Variants in NEGR1 observed in about 807,000 individuals in gnomAD.
The protein encoded by NEGR1 is neuronal growth regulator 1, also known as IgLON family member 4.
In NEGR1, 10 loss-of-function variants were observed where a neutral mutation model predicts 40.9. The observed-to-expected ratio is 0.24, with a 90% confidence interval of 0.15 to 0.42. NEGR1 has a LOEUF of 0.42. Among genes scored for constraint, NEGR1 ranks in the 10% least tolerant of loss-of-function variants. The pLI is 1.00. For missense variants in NEGR1, 352 were observed against 438.9 expected, an observed-to-expected ratio of 0.80 and a Z score of 1.77; for synonymous variants, 185 against 166.8, an observed-to-expected ratio of 1.11 and a Z score of -0.84.
intron 2 of NEGR1, among the ~76,000 whole-genome samples, chr1:71,854,398 T>C (rs1659699281): frequency 6.6e-6 from 1 of 152,074 alleles, no homozygotes; most frequent in Non-Finnish European, 1.5e-5. Flanking sequence ...TTAAGCAAAT[T>C]AGTGAGTAAA....
At chr1:71,979,608 A>T (rs757845031) in intron 1 of NEGR1, among the ~76,000 whole-genome samples, 2 of 152,180 alleles carry the variant, frequency 1.3e-5, no homozygotes, top group Non-Finnish European at 1.5e-5. Context: ...AGAACAACCC[A>T]CAAAGACAAC....
At chr1:71,707,057 C>A (rs1343534739) in intron 3 of NEGR1, among the ~76,000 whole-genome samples, 3 of 152,144 alleles carry the variant, frequency 2.0e-5, no homozygotes, top group Non-Finnish European at 4.4e-5. Context: ...AGGATTTAAA[C>A]CAGCCCTAGC....
chr1:71,459,645 A>G (rs1420169997), intron 6 of NEGR1, among the ~76,000 whole-genome samples: 1 of 152,128 alleles, frequency 6.6e-6, no homozygotes, highest in Non-Finnish European at 1.5e-5. Flanking sequence ...CCATGTCAGT[A>G]AGTTCAAATC....
At chr1:71,825,322 A>C (rs1426042692) in intron 2 of NEGR1, among the ~76,000 whole-genome samples, 1 of 151,870 alleles carries the variant, frequency 6.6e-6, no homozygotes, top group Non-Finnish European at 1.5e-5. Context: ...TCTGAGTTCT[A>C]TTCTCCTCTG....
chr1:72,007,293 A>C (rs1342439320), intron 1 of NEGR1, among the ~76,000 whole-genome samples: 2 of 152,048 alleles, frequency 1.3e-5, no homozygotes, highest in Middle Eastern at 3.2e-3. Context: ...TTTTGAAATT[A>C]ACATCCAAGA....
intron 1 of NEGR1, among the ~76,000 whole-genome samples, chr1:71,992,217 A>G (rs1195722330): frequency 6.6e-6 from 1 of 152,210 alleles, no homozygotes; most frequent in Non-Finnish European, 1.5e-5. Flanking sequence ...TTTCATATAC[A>G]TCATATTCAT....
At chr1:71,535,991 G>A (rs1363436856) in intron 6 of NEGR1, among the ~76,000 whole-genome samples, 1 of 151,630 alleles carries the variant, frequency 6.6e-6, no homozygotes, top group African/African-American at 2.4e-5. Context: ...GTGAGTAAAT[G>A]TAGTTATTTC....
At position 72,235,874 on chromosome 1, in the gene NEGR1, A is replaced by T. The variant is rs576315413; in HGVS notation, c.176+46445T>A. Among the ~76,000 whole-genome samples, 13 of 152,234 alleles carry T rather than the reference A, an allele frequency of 8.5e-5. No individual in the cohort carries two copies. The South Asian group carries it at 2.7e-3, about 31-fold the overall frequency. ...CGATTTTAAGAGAATGTAAACCAAC[A>T]TAATCTTAAGCAAAATGTATTTATG... On this transcript the variant is annotated intron_variant, in intron 1 of 6. Transcript: ENST00000357731.
At chr1:71,842,502 T>A (rs2101803685) in intron 2 of NEGR1, among the ~76,000 whole-genome samples, 1 of 152,304 alleles carries the variant, frequency 6.6e-6, no homozygotes, top group African/African-American at 2.4e-5. Flanking sequence ...TTTCTCTAAA[T>A]CTTTAAAATA....
chr1:72,096,561 T>C (rs1289043768), intron 1 of NEGR1, among the ~76,000 whole-genome samples: 1 of 152,086 alleles, frequency 6.6e-6, no homozygotes, highest in East Asian at 1.9e-4. Context: ...AATTACACTT[T>C]CATACATTTT....
At chr1:71,711,481 CAA>C (rs71070899) in intron 3 of NEGR1, among the ~76,000 whole-genome samples, 1 of 126,636 alleles carries the variant, frequency 7.9e-6, no homozygotes, top group Non-Finnish European at 1.6e-5. Context: ...CTAAAATTTA[CAA>C]AAAAAAAAAA....
Position 71,402,824 on chromosome 1 carries a change from C to T in NEGR1, c.*4622G>A, listed in dbSNP as rs1646255034. On this transcript the variant is annotated 3_prime_UTR_variant, in exon 7 of 7. Transcript: ENST00000357731. ...TTGCCCTATTCTTTTGAGAGGGAAA[C>T]TAGCTCTGTTTCATGTGCTGGTTTT... 1 of 151,958 alleles carries T rather than the reference C, an allele frequency of 6.6e-6. No homozygotes were observed. The highest frequency in any genetic ancestry group is 2.4e-5 in the African/African-American group (1 of 41,432). The allele number at this position is 151,958 out of a possible 1,614,324, so 9.4% of individuals were successfully genotyped here.
At chr1:71,750,273 G>A (rs893146463) in intron 3 of NEGR1, among the ~76,000 whole-genome samples, 1 of 152,140 alleles carries the variant, frequency 6.6e-6, no homozygotes. Context: ...GATTACAGGC[G>A]TGAGCCACCG....
intron 4 of NEGR1, among the ~76,000 whole-genome samples, chr1:71,642,757 T>A (rs1651396340): frequency 6.6e-6 from 1 of 152,038 alleles, no homozygotes; most frequent in South Asian, 2.1e-4. Context: ...GTATTTGGTA[T>A]CTAGTGGGAA....
chr1:72,075,429 A>C (rs186931240), intron 1 of NEGR1, among the ~76,000 whole-genome samples: 282 of 152,310 alleles, frequency 1.9e-3, no homozygotes, highest in African/African-American at 6.4e-3. Context: ...CACAATGTAG[A>C]TATTAAGACT....
At chr1:72,000,770 A>T (rs1646550087) in intron 1 of NEGR1, among the ~76,000 whole-genome samples, 2 of 152,114 alleles carry the variant, frequency 1.3e-5, no homozygotes, top group African/African-American at 4.8e-5. Flanking sequence ...TCTATTGTTT[A>T]TTTTACGCTA....
intron 1 of NEGR1, among the ~76,000 whole-genome samples, chr1:72,271,914 A>G (rs1461716910): frequency 6.6e-6 from 1 of 151,762 alleles, no homozygotes; most frequent in Non-Finnish European, 1.5e-5. Context: ...TCTTCCTGCC[A>G]CCATGTAAGA....
intron 1 of NEGR1, among the ~76,000 whole-genome samples, chr1:71,979,525 A>T (rs1557466118): frequency 6.6e-6 from 1 of 152,192 alleles, no homozygotes; most frequent in African/African-American, 2.4e-5. Context: ...TGCGGGTTAA[A>T]GTCCCAGACT....
chr1:71,653,974 C>G (rs1651797005), intron 4 of NEGR1, among the ~76,000 whole-genome samples: 1 of 152,026 alleles, frequency 6.6e-6, no homozygotes, highest in African/African-American at 2.4e-5. Flanking sequence ...TATGAGGAAA[C>G]AATCATTATA....
Sources: gnomAD v4.1 joint callset for allele counts (sites outside exome capture counted in the v4.1 genomes callset) on GRCh38, gnomAD v4.1.1 for gene constraint, MANE v1.5 for transcripts, NCBI Gene and HGNC (gene_info 2026-07-23, HGNC 2026-07-21) for gene names.